Variants in NLGN1 observed in about 807,000 individuals in gnomAD.
The protein encoded by NLGN1 is neuroligin-1.
NLGN1 carries 12 observed loss-of-function variants against 65.5 expected under a neutral mutation model. The ratio of observed to expected loss-of-function variants is 0.18; its 90% CI spans 0.12 to 0.30. The LOEUF (loss-of-function observed/expected upper bound fraction) is 0.30. NLGN1 is among the 10% of genes least tolerant of loss of function. The pLI is 1.00. For missense variants in NLGN1, 750 were observed against 1,007.1 expected, an observed-to-expected ratio of 0.74 and a Z score of 3.46; for synonymous variants, 350 against 359.5, an observed-to-expected ratio of 0.97 and a Z score of 0.30.
intron 4 of NLGN1, among the ~76,000 whole-genome samples, chr3:174,044,938 G>A (rs1377875499): frequency 2.0e-5 from 3 of 151,986 alleles, no homozygotes; most frequent in African/African-American, 4.8e-5. Flanking sequence ...GAAGAAGGAC[G>A]TGTTTGCTTC....
chr3:173,419,020 CTTTTTTTTTTTTTTTTTTTT>C (rs59051811), intron 1 of NLGN1, among the ~76,000 whole-genome samples: 5 of 12,262 alleles, frequency 4.1e-4, no homozygotes, highest in South Asian at 5.6e-3. Flanking sequence ...TCTTCTTCTT[CTTTTTTTTTTTTTTTTTTTT>C]TTTTTTTTTT....
chr3:173,562,782 C>T (rs959676978), intron 2 of NLGN1, among the ~76,000 whole-genome samples: 3 of 152,142 alleles, frequency 2.0e-5, no homozygotes, highest in Non-Finnish European at 4.4e-5. Flanking sequence ...TATACTCACT[C>T]CTTTGGTTTT....
intron 4 of NLGN1, among the ~76,000 whole-genome samples, chr3:174,223,446 A>G (rs996127424): frequency 1.3e-5 from 2 of 151,982 alleles, no homozygotes; most frequent in African/African-American, 4.8e-5. Flanking sequence ...TTTTTCATTC[A>G]TTTTTCTACC....
intron 4 of NLGN1, among the ~76,000 whole-genome samples, chr3:174,184,085 A>G (rs1730952343): frequency 6.6e-6 from 1 of 152,202 alleles, no homozygotes; most frequent in Non-Finnish European, 1.5e-5. Flanking sequence ...AAAGAGAAGG[A>G]TATCTTTAGA....
chr3:173,436,731 T>C (rs958162891), intron 2 of NLGN1, among the ~76,000 whole-genome samples: 3 of 152,146 alleles, frequency 2.0e-5, no homozygotes, highest in African/African-American at 7.2e-5. Context: ...TGCAAGACAA[T>C]GGTAGGAGAA....
At chr3:174,217,305 T>C (rs149902069) in intron 4 of NLGN1, among the ~76,000 whole-genome samples, 81 of 152,260 alleles carry the variant, frequency 5.3e-4, no homozygotes, top group Non-Finnish European at 9.9e-4. Flanking sequence ...TGTTAACTGA[T>C]TGCATCTGCA....
At chr3:173,910,663 A>T (rs1054892186) in intron 4 of NLGN1, 3 of 152,236 alleles carry the variant, frequency 2.0e-5, no homozygotes, top group African/African-American at 7.2e-5. Context: ...CTAAATTTTA[A>T]TAAGTAATAT....
At chr3:173,820,193 A>C (rs1249550149) in intron 4 of NLGN1, among the ~76,000 whole-genome samples, 23 of 150,800 alleles carry the variant, frequency 1.5e-4, no homozygotes, top group African/African-American at 1.7e-4. Flanking sequence ...AAAAAAAAAA[A>C]AAAAAAAAAA....
intron 4 of NLGN1, among the ~76,000 whole-genome samples, chr3:174,117,770 T>C (rs1359869626): frequency 6.6e-6 from 1 of 152,120 alleles, no homozygotes; most frequent in Non-Finnish European, 1.5e-5. Context: ...AGCTCTGAAA[T>C]CCATAAAAAG....
chr3:173,447,148 G>A (rs1720516114), intron 2 of NLGN1, among the ~76,000 whole-genome samples: 1 of 152,220 alleles, frequency 6.6e-6, no homozygotes, highest in African/African-American at 2.4e-5. Flanking sequence ...CCATGCCTAT[G>A]TCCTGAATGG....
At chr3:174,090,574 G>A (rs991483368) in intron 4 of NLGN1, among the ~76,000 whole-genome samples, 1 of 152,268 alleles carries the variant, frequency 6.6e-6, no homozygotes, top group Non-Finnish European at 1.5e-5. Context: ...GCTTGGACAA[G>A]TTCATACACT....
exon 7 of NLGN1, chr3:174,282,030 C>G (rs1481383468): frequency 1.3e-5 from 2 of 152,038 alleles, no homozygotes; most frequent in Non-Finnish European, 2.9e-5. Context: ...TTGGCAGAAC[C>G]TAAAGAAGAT....
intron 3 of NLGN1, among the ~76,000 whole-genome samples, chr3:173,609,487 A>G (rs1751941460): frequency 6.6e-6 from 1 of 151,904 alleles, no homozygotes; most frequent in African/African-American, 2.4e-5. Context: ...CTGGTTGTCT[A>G]TTTAACATAG....
chr3:174,131,281 C>T (rs1720126924), intron 4 of NLGN1, among the ~76,000 whole-genome samples: 2 of 152,084 alleles, frequency 1.3e-5, no homozygotes, highest in Admixed American at 1.3e-4. Flanking sequence ...TTTATGTATG[C>T]ACTACTCTGT....
At chr3:173,602,013 G>A (rs1380455884) in intron 2 of NLGN1, among the ~76,000 whole-genome samples, 3 of 151,948 alleles carry the variant, frequency 2.0e-5, no homozygotes, top group Non-Finnish European at 2.9e-5. Context: ...TATTATGTGC[G>A]GTGATCATAA....
chr3:174,193,679 C>A (rs1732808821), intron 4 of NLGN1, among the ~76,000 whole-genome samples: 1 of 151,982 alleles, frequency 6.6e-6, no homozygotes, highest in Non-Finnish European at 1.5e-5. Flanking sequence ...GTGCAGATGG[C>A]CATATGGGAA....
At position 173,433,970 on chromosome 3, in the gene NLGN1, G is replaced by A. The variant is rs895862044; in HGVS notation, c.-389-1040G>A. On this transcript the variant is annotated intron_variant, in intron 1 of 6. Transcript: ENST00000457714. ...AAAATGATGAAATATAGAAGAGTGAGGCCCTTTTAAAAGTATTTAAGAATC... is the reference window on the plus strand; with the variant it reads ...AAAATGATGAAATATAGAAGAGTGAAGCCCTTTTAAAAGTATTTAAGAATC... Among the ~76,000 whole-genome samples, 5 of 152,108 alleles carry A rather than the reference G, an allele frequency of 3.3e-5. No homozygotes were observed. The South Asian group carries it at 1.0e-3, about 32-fold the overall frequency.
chr3:173,407,985 ATGTC>A (rs1223800152), intron 1 of NLGN1, among the ~76,000 whole-genome samples: 1 of 152,206 alleles, frequency 6.6e-6, no homozygotes, highest in Non-Finnish European at 1.5e-5. Context: ...TTTTCTGAGA[ATGTC>A]TGTTTGTGAC....
rs545091519 is a variant in NLGN1, at chr3:174,217,011, A to G, written c.647-58304A>G. The stretch of plus-strand genomic sequence containing the variant: ...AGTACCACAAACTTTGCTGCTTAAA[A>G]CAATGCAATTTCATATATCATAGTT... On this transcript the variant is annotated intron_variant, in intron 4 of 6. Transcript: ENST00000457714. Among the ~76,000 whole-genome samples, 5 of 152,258 alleles carry G rather than the reference A, an allele frequency of 3.3e-5. 1 individual carries two copies. In the South Asian group the frequency reaches 1.0e-3, roughly 32 times the overall value.
Sources: gnomAD v4.1 joint callset for allele counts (sites outside exome capture counted in the v4.1 genomes callset) on GRCh38, gnomAD v4.1.1 for gene constraint, MANE v1.5 for transcripts, NCBI Gene and HGNC (gene_info 2026-07-23, HGNC 2026-07-21) for gene names.